Variants in DISP1 observed in about 807,000 individuals in gnomAD.
The protein encoded by DISP1 is protein dispatched homolog 1.
Under a neutral mutation model 37.3 loss-of-function variants are expected in DISP1, and 30 were observed. The ratio of observed to expected loss-of-function variants is 0.80; its 90% CI spans 0.60 to 1.09. DISP1 has a LOEUF of 1.09. Among genes scored for constraint, DISP1 ranks in the 50% least tolerant of loss-of-function variants. DISP1 has a pLI of 0.00. For missense variants in DISP1, 1,598 were observed against 1,879.5 expected (o/e 0.85, Z 2.77); for synonymous variants, 634 against 690.2 (o/e 0.92, Z 1.28).
intron 1 of DISP1, among the ~76,000 whole-genome samples, chr1:222,849,000 G>C (rs1668077046): frequency 1.3e-5 from 2 of 152,078 alleles, no homozygotes; most frequent in African/African-American, 4.8e-5. Flanking sequence ...TCACATTTTT[G>C]GAGTGTGTCT....
At chr1:222,934,067 A>G (rs1037788615) in intron 2 of DISP1, among the ~76,000 whole-genome samples, 5 of 152,040 alleles carry the variant, frequency 3.3e-5, no homozygotes, top group African/African-American at 1.2e-4. Context: ...TTTTAAAACT[A>G]TCTTGGGAAA....
chr1:222,848,150 C>A (rs1234135644), intron 1 of DISP1, among the ~76,000 whole-genome samples: 18 of 152,090 alleles, frequency 1.2e-4, no homozygotes, highest in Admixed American at 1.2e-3. Context: ...GAAATGCCAT[C>A]TCCATTGTAT....
At chr1:222,897,805 A>G (rs1671351047) in intron 1 of DISP1, among the ~76,000 whole-genome samples, 1 of 152,124 alleles carries the variant, frequency 6.6e-6, no homozygotes, top group Non-Finnish European at 1.5e-5. Flanking sequence ...GTTTTATTAT[A>G]TTTACTTTTC....
rs1244593629 is a variant in DISP1 at position 223,003,914 on chromosome 1, C to G, written c.2517C>G (p.Phe839Leu). Residue 839 changes from phenylalanine to leucine, a missense_variant, in exon 9 of 9, where the codon TTC becomes TTG. By Grantham distance (22) the Phe-to-Leu change is conservative. Coordinates refer to ENST00000675850, the MANE Select transcript of DISP1 (RefSeq NM_001377229.1). The surrounding 1 kb of genome is among the most constrained non-coding windows in gnomAD (Gnocchi z 4.3). ...GTCAAAAACTGAGAAACCAAACATT[C>G]TTTTACCAGACTGATGAACAGGACT... ...HFCQKLRNQT[F>L]FYQTDEQDFT... 6.2e-7 allele frequency: 1 copy of G among 1,614,074 alleles called. No homozygotes were observed. Among genetic ancestry groups the G allele is most frequent in the Non-Finnish European group, 8.5e-7 (1 of 1,180,046 alleles).
intron 4 of DISP1, among the ~76,000 whole-genome samples, chr1:222,987,288 G>T (rs1476755029): frequency 6.6e-6 from 1 of 152,296 alleles, no homozygotes; most frequent in Non-Finnish European, 1.5e-5. Context: ...CAATTTTGTG[G>T]TGTTGAGAAG....
chr1:222,837,292 G>T, intron 1 of DISP1: 1 of 386,898 alleles, frequency 2.6e-6, no homozygotes, highest in Non-Finnish European at 4.6e-6. Flanking sequence ...GGCTAGTCTG[G>T]GTTCCCTGGA....
chr1:222,986,628 G>A (rs1375927469), intron 4 of DISP1, among the ~76,000 whole-genome samples: 4 of 152,166 alleles, frequency 2.6e-5, no homozygotes, highest in Admixed American at 6.5e-5. Context: ...ATCCACGAAC[G>A]CATTTCATTA....
chr1:222,846,558 T>C (rs1667914139), intron 1 of DISP1, among the ~76,000 whole-genome samples: 1 of 152,048 alleles, frequency 6.6e-6, no homozygotes, highest in South Asian at 2.1e-4. Flanking sequence ...ATAGCAGTTC[T>C]GCATATCAAA....
intron 8 of DISP1, among the ~76,000 whole-genome samples, chr1:223,000,922 G>A (rs1358008715): frequency 3.3e-5 from 5 of 152,106 alleles, no homozygotes; most frequent in African/African-American, 1.2e-4. Flanking sequence ...TTGAACTTTG[G>A]AGTTTCTTCC....
chr1:222,896,326 C>T (rs562815879), intron 1 of DISP1, among the ~76,000 whole-genome samples: 34 of 144,246 alleles, frequency 2.4e-4, no homozygotes, highest in Non-Finnish European at 3.9e-4. Context: ...AGAGGCTGGG[C>T]GCGGTGGCTC....
At chr1:222,936,710 T>A (rs1215218599) in intron 2 of DISP1, among the ~76,000 whole-genome samples, 116 of 103,546 alleles carry the variant, frequency 1.1e-3, no homozygotes, top group East Asian at 1.8e-3. Context: ...ATCATATATA[T>A]TATATATCAT....
At chr1:222,856,775 G>A (rs34526952) in intron 1 of DISP1, among the ~76,000 whole-genome samples, 90,498 of 148,946 alleles carry the variant, frequency 0.61, 28,390 homozygotes, top group African/African-American at 0.77. Context: ...CTCAATCTTG[G>A]CTCACTGCAA....
At chr1:222,964,408 CTCTATGCTG>C (rs1259249037) in intron 3 of DISP1, among the ~76,000 whole-genome samples, 1 of 152,106 alleles carries the variant, frequency 6.6e-6, no homozygotes, top group Non-Finnish European at 1.5e-5. Flanking sequence ...TTAATCACCA[CTCTATGCTG>C]TGCAAACACA....
At chr1:223,001,563 C>T (rs1478177512) in intron 8 of DISP1, among the ~76,000 whole-genome samples, 7 of 152,124 alleles carry the variant, frequency 4.6e-5, no homozygotes, top group East Asian at 1.9e-4. Flanking sequence ...CAAAATACCT[C>T]GGACTGGGTA....
chr1:222,917,078 A>G (rs534985773), intron 1 of DISP1, among the ~76,000 whole-genome samples: 1 of 152,260 alleles, frequency 6.6e-6, no homozygotes, highest in Non-Finnish European at 1.5e-5. Flanking sequence ...CAGCTGACCA[A>G]TCGTTATCTG....
At chr1:222,987,860 TAATGGTCTAA>T (rs1444852060) in intron 4 of DISP1, among the ~76,000 whole-genome samples, 2 of 152,138 alleles carry the variant, frequency 1.3e-5, no homozygotes, top group Non-Finnish European at 2.9e-5. Flanking sequence ...GCTGATATTT[TAATGGTCTAA>T]AATGTAAAGG....
chr1:222,921,763 T>G (rs551683475), intron 1 of DISP1, among the ~76,000 whole-genome samples: 23 of 152,340 alleles, frequency 1.5e-4, no homozygotes, highest in Admixed American at 1.2e-3. Flanking sequence ...ATTTGTCAAG[T>G]ATAAATATTT....
At chr1:223,002,081 G>A (rs1228638674) in intron 8 of DISP1, among the ~76,000 whole-genome samples, 2 of 152,146 alleles carry the variant, frequency 1.3e-5, no homozygotes, top group African/African-American at 4.8e-5. Flanking sequence ...CTAAGTAGGT[G>A]TTAATTTGAT....
intron 3 of DISP1, among the ~76,000 whole-genome samples, chr1:222,948,497 T>C (rs959558370): frequency 6.6e-6 from 1 of 152,212 alleles, no homozygotes; most frequent in Non-Finnish European, 1.5e-5. Flanking sequence ...ATGAGGATGT[T>C]GTACCATGCT....
Sources: allele counts gnomAD v4.1 joint callset (sites outside exome capture counted in the v4.1 genomes callset), GRCh38; gene constraint gnomAD v4.1.1; non-coding constraint Gnocchi (gnomAD v3.1); transcripts MANE v1.5; gene names NCBI Gene and HGNC (gene_info 2026-07-23, HGNC 2026-07-21).